SNW1: variants seen among roughly 807,000 people sequenced by gnomAD.
The protein encoded by SNW1 is SNW domain containing 1.
A neutral mutation model predicts 75.6 loss-of-function variants in SNW1; 9 were observed. That is an observed-to-expected ratio of 0.12 (90% CI 0.07 to 0.21). SNW1 has a LOEUF of 0.21. Ranked by LOEUF, SNW1 falls within the 10% of genes least tolerant of loss-of-function variation. The pLI is 1.00. For missense variants in SNW1, 409 were observed against 670.9 expected (o/e 0.61, Z 4.31); for synonymous variants, 200 against 219.1 (o/e 0.91, Z 0.77).
At chr14:77,756,711 C>G (rs566644449) in intron 1 of SNW1, among the ~76,000 whole-genome samples, 8 of 152,258 alleles carry the variant, frequency 5.3e-5, no homozygotes, top group Admixed American at 3.3e-4. Context: ...TGGTGAAACC[C>G]TGTCTCTACT....
At chr14:77,724,491 A>C (rs978709630) in intron 10 of SNW1, among the ~76,000 whole-genome samples, 2 of 152,142 alleles carry the variant, frequency 1.3e-5, no homozygotes, top group African/African-American at 4.8e-5. Context: ...ACCATCAACC[A>C]ATCTCTCTTC....
chr14:77,754,826 T>C, intron 2 of SNW1, 141 bp downstream of exon 2: 2 of 707,644 alleles, frequency 2.8e-6, no homozygotes, highest in Non-Finnish European at 2.2e-6. Flanking sequence ...GAGGGAAATA[T>C]ACATCTTGAG....
intron 10 of SNW1, among the ~76,000 whole-genome samples, chr14:77,730,536 A>G (rs1046994014): frequency 3.3e-5 from 5 of 152,210 alleles, no homozygotes; most frequent in Admixed American, 1.3e-4. Context: ...TAATACACCA[A>G]TGTAGACCAC....
rs374666871 is a variant in SNW1 at position 77,720,670 on chromosome 14, T to A, written c.1248+41A>T. 118 of 1,267,972 alleles carry A rather than the reference T, an allele frequency of 9.3e-5. No homozygotes were observed. In the African/African-American group the frequency reaches 1.6e-3, roughly 17 times the overall value. 78.5% of individuals were successfully genotyped at this position (1,267,972 alleles called of 1,614,324 possible). A position where few individuals can be genotyped will look rare whatever the true frequency, so the allele number is the denominator to read the frequency against. On this transcript the variant is annotated intron_variant, in intron 12 of 13. Coordinates refer to ENST00000261531, the MANE Select transcript of SNW1 (RefSeq NM_012245.3). ...ATTTTCGTTTCCCTGAGGATAGGTATTCACATCAACACACACAATATGCTG... is the reference window on the plus strand; with the variant it reads ...ATTTTCGTTTCCCTGAGGATAGGTAATCACATCAACACACACAATATGCTG...
At chr14:77,744,135 CAAAAAAAAAA>C (rs11335114) in intron 3 of SNW1, among the ~76,000 whole-genome samples, 1 of 121,746 alleles carries the variant, frequency 8.2e-6, no homozygotes, top group Non-Finnish European at 1.7e-5. Context: ...GACTCCATCT[CAAAAAAAAAA>C]AAAAAGAAAA....
At chr14:77,725,924 C>G (rs949014308) in intron 10 of SNW1, among the ~76,000 whole-genome samples, 6 of 152,096 alleles carry the variant, frequency 3.9e-5, no homozygotes, top group Non-Finnish European at 7.4e-5. Flanking sequence ...TCCAAACAAT[C>G]AAAAATTCCA....
At chr14:77,732,821 A>G (rs1260489344) in intron 8 of SNW1, among the ~76,000 whole-genome samples, 3 of 152,106 alleles carry the variant, frequency 2.0e-5, no homozygotes, top group Non-Finnish European at 2.9e-5. Context: ...TGCGCCACAC[A>G]CTCGGCTAGT....
chr14:77,725,598 A>G (rs542605338), intron 10 of SNW1, among the ~76,000 whole-genome samples: 2 of 152,152 alleles, frequency 1.3e-5, no homozygotes, highest in Non-Finnish European at 2.9e-5. Flanking sequence ...CCTTTCCCCA[A>G]TGTATGCTTT....
In SNW1 at chr14:77,724,988, C is replaced by A. The variant is rs192971664; in HGVS notation, c.1034-1711G>T. Among the ~76,000 whole-genome samples, 27 of 152,162 alleles carry A rather than the reference C, an allele frequency of 1.8e-4. 1 individual carries two copies. The highest frequency in any genetic ancestry group is 1.6e-3 in the Admixed American group (25 of 15,274). ...ACTAAAAATGTACTAGTGTTCCCCC[C>A]CTTCTGTATCCTCGCCAGCATCTAT... On this transcript the variant is annotated intron_variant, in intron 10 of 13. Transcript: ENST00000261531.
At chr14:77,756,232 T>C (rs2080841983) in intron 1 of SNW1, among the ~76,000 whole-genome samples, 1 of 152,088 alleles carries the variant, frequency 6.6e-6, no homozygotes, top group Non-Finnish European at 1.5e-5. Context: ...GTGATTCTCA[T>C]GCCTCAGCCT....
intron 10 of SNW1, chr14:77,730,760 A>T: frequency 4.3e-6 from 2 of 461,648 alleles, no homozygotes; most frequent in Admixed American, 7.8e-5. Flanking sequence ...ACTGCTCAGA[A>T]GTTTAAAAAT....
intron 11 of SNW1, 54 bp from the exon 12 acceptor site, chr14:77,720,882 A>G (rs2080534804): frequency 9.2e-7 from 1 of 1,085,056 alleles, no homozygotes; most frequent in South Asian, 1.3e-5. Context: ...CAAGCTGAAT[A>G]TGTTCAATAG....
At chr14:77,759,488 T>C (rs2080868681) in intron 1 of SNW1, among the ~76,000 whole-genome samples, 1 of 152,160 alleles carries the variant, frequency 6.6e-6, no homozygotes, top group African/African-American at 2.4e-5. Context: ...CACTCCAGCC[T>C]GGGCAAGAGT....
At chr14:77,722,961 C>T (rs2080554833) in intron 11 of SNW1, 1 of 492,392 alleles carries the variant, frequency 2.0e-6, no homozygotes, top group Non-Finnish European at 3.7e-6. Context: ...TCTCCTGCCT[C>T]AGCCTGCCAA....
intron 11 of SNW1, among the ~76,000 whole-genome samples, chr14:77,721,954 G>A (rs891202693): frequency 2.0e-5 from 3 of 152,034 alleles, no homozygotes; most frequent in Non-Finnish European, 4.4e-5. Flanking sequence ...CACCATGTTG[G>A]CCAGGCTGGT....
At chr14:77,743,221 G>A (rs552217641) in intron 3 of SNW1, among the ~76,000 whole-genome samples, 102 of 143,382 alleles carry the variant, frequency 7.1e-4, no homozygotes, top group African/African-American at 2.4e-3. Flanking sequence ...GCAAAACTCC[G>A]TTTCAAAAAA....
rs116412505 is a variant in SNW1, at chr14:77,742,866, G to A, written c.331-3805C>T. On this transcript the variant is annotated intron_variant, in intron 3 of 13. Transcript: ENST00000261531. Reference sequence around the variant, plus strand: ...AGGCATGAGCCAATGCACTTGGCCTGTATGTAGTATTTCTTACATAACTAT... The same window carrying A: ...AGGCATGAGCCAATGCACTTGGCCTATATGTAGTATTTCTTACATAACTAT... Among the ~76,000 whole-genome samples the A allele has an allele frequency of 3.5e-3, 528 of 151,784 alleles. 4 individuals carry two copies. The highest frequency in any genetic ancestry group is 0.02 in the Middle Eastern group (6 of 294).
At chr14:77,735,318 T>C (rs1402699512) in intron 7 of SNW1, among the ~76,000 whole-genome samples, 1 of 152,184 alleles carries the variant, frequency 6.6e-6, no homozygotes, top group Admixed American at 6.5e-5. Flanking sequence ...GGGGTTTCGC[T>C]TTTGTTGCCC....
At chr14:77,724,376 ATTCTT>A (rs2080567569) in intron 10 of SNW1, among the ~76,000 whole-genome samples, 2 of 152,306 alleles carry the variant, frequency 1.3e-5, no homozygotes, top group East Asian at 1.9e-4. Flanking sequence ...ATCATTAACT[ATTCTT>A]CTCTTCTAGC....
Sources: allele counts gnomAD v4.1 joint callset (sites outside exome capture counted in the v4.1 genomes callset), GRCh38; gene constraint gnomAD v4.1.1; transcripts MANE v1.5; gene names NCBI Gene and HGNC (gene_info 2026-07-23, HGNC 2026-07-21).